TSPAN18: variants seen among roughly 807,000 people sequenced by gnomAD.
The protein encoded by TSPAN18 is tetraspanin 18.
Under a neutral mutation model 27.3 loss-of-function variants are expected in TSPAN18, and 14 were observed. That is an observed-to-expected ratio of 0.51 (90% CI 0.34 to 0.80). The LOEUF is 0.80. Ranked by LOEUF, TSPAN18 falls within the 30% of genes least tolerant of loss-of-function variation. The pLI is 0.01. For synonymous variants in TSPAN18, 143 were observed against 136.5 expected (o/e 1.05, Z -0.33); for missense variants, 268 against 323.9 (o/e 0.83, Z 1.32).
intron 2 of TSPAN18, among the ~76,000 whole-genome samples, chr11:44,813,121 A>G (rs1856753354): frequency 6.6e-6 from 1 of 152,156 alleles, no homozygotes; most frequent in African/African-American, 2.4e-5. Context: ...CTGCCAGTCC[A>G]TTCCTGGCCT....
chr11:44,746,170 C>A (rs1855070935), intron 1 of TSPAN18, among the ~76,000 whole-genome samples: 1 of 152,144 alleles, frequency 6.6e-6, no homozygotes, highest in South Asian at 2.1e-4. Context: ...CAGCAGCTGC[C>A]CCCCGTGGGT....
At chr11:44,761,156 G>A (rs1317302578) in intron 1 of TSPAN18, among the ~76,000 whole-genome samples, 1 of 152,142 alleles carries the variant, frequency 6.6e-6, no homozygotes, top group Non-Finnish European at 1.5e-5. Context: ...CCAAACATTC[G>A]GGAGAACTGT....
At chr11:44,769,189 C>T (rs1474093575) in intron 2 of TSPAN18, among the ~76,000 whole-genome samples, 1 of 152,192 alleles carries the variant, frequency 6.6e-6, no homozygotes, top group Non-Finnish European at 1.5e-5. Context: ...GCCACTGCAC[C>T]TGGCCTATTA....
intron 2 of TSPAN18, among the ~76,000 whole-genome samples, chr11:44,822,417 G>A (rs1856946122): frequency 6.6e-6 from 1 of 151,924 alleles, no homozygotes; most frequent in African/African-American, 2.4e-5. Flanking sequence ...CAGTATTTTG[G>A]GTCCCAGGTT....
intron 2 of TSPAN18, among the ~76,000 whole-genome samples, chr11:44,782,256 GA>G (rs1181462432): frequency 6.6e-6 from 1 of 152,122 alleles, no homozygotes; most frequent in African/African-American, 2.4e-5. Context: ...TAACTTAGAA[GA>G]AACTGCCAGC....
At chr11:44,876,161 G>A (rs1264515856) in intron 3 of TSPAN18, among the ~76,000 whole-genome samples, 1 of 152,176 alleles carries the variant, frequency 6.6e-6, no homozygotes, top group South Asian at 2.1e-4. Context: ...TCTGTTTTCT[G>A]TTCCTTATCC....
In TSPAN18 at chr11:44,929,123, T is replaced by C. The variant is rs1860476330; in HGVS notation, c.700-8T>C. ...AAGCCAGTTCCTGCTCTTTTTCTTT[T>C]TTTGCAGCTTTTCGCCATGATCTTT... On this transcript the variant is annotated splice_region_variant and splice_polypyrimidine_tract_variant and intron_variant, in intron 9 of 9. Coordinates refer to ENST00000520358, the MANE Select transcript of TSPAN18 (RefSeq NM_130783.5). The C allele has an allele frequency of 6.2e-7, 1 of 1,613,284 alleles. No individual in the cohort carries two copies. The highest frequency in any genetic ancestry group is 8.5e-7 in the Non-Finnish European group (1 of 1,180,022).
chr11:44,731,892 C>T (rs1245934966), intron 1 of TSPAN18, among the ~76,000 whole-genome samples: 3 of 152,170 alleles, frequency 2.0e-5, no homozygotes, highest in Admixed American at 2.0e-4. Context: ...CTTTGTTTCC[C>T]ACCCTTCACC....
intron 5 of TSPAN18, among the ~76,000 whole-genome samples, chr11:44,910,484 A>G (rs1859668627): frequency 6.6e-6 from 1 of 152,214 alleles, no homozygotes; most frequent in African/African-American, 2.4e-5. Flanking sequence ...GGGCCTTGGC[A>G]TCCAGGTCTG....
In TSPAN18 at chr11:44,931,983, C is replaced by T. The variant is rs1271322752; in HGVS notation, c.*2805C>T. The T allele has an allele frequency of 6.6e-6, 1 of 152,312 alleles. No individual in the cohort carries two copies. The highest frequency in any genetic ancestry group is 1.5e-5 in the Non-Finnish European group (1 of 68,092). 9.4% of individuals were successfully genotyped at this position (152,312 alleles called of 1,614,324 possible). ...CGAAAGCCACTTTCCTGCTCTGAAG[C>T]TACTGCCTCTTAGAGAAAGGGAATA... On this transcript the variant is annotated 3_prime_UTR_variant, in exon 10 of 10. Transcript: ENST00000520358.
rs143379455 is a variant in TSPAN18, at chr11:44,901,842, C to A, written c.-10-4565C>A. 7.0e-3 allele frequency among the ~76,000 whole-genome samples: 1,072 copies of A among 152,306 alleles called. 6 individuals carry two copies. The highest frequency in any genetic ancestry group is 0.014 in the South Asian group (69 of 4,822). On this transcript the variant is annotated intron_variant, in intron 3 of 9. Transcript: ENST00000520358. ...GTGTGATACTGGCCAGGTTACTTGA[C>A]CCCTCTGAGCTTCAGTGTCCTCTTC...
chr11:44,756,478 ATGT>A (rs1246006446), intron 1 of TSPAN18, among the ~76,000 whole-genome samples: 1 of 152,142 alleles, frequency 6.6e-6, no homozygotes, highest in Non-Finnish European at 1.5e-5. Context: ...TACATTCATA[ATGT>A]TGTGCAACCG....
At chr11:44,829,236 A>G (rs1857106544) in intron 2 of TSPAN18, among the ~76,000 whole-genome samples, 3 of 152,178 alleles carry the variant, frequency 2.0e-5, no homozygotes, top group East Asian at 1.9e-4. Flanking sequence ...TGCATTGTAC[A>G]TTCTATGGGT....
intron 2 of TSPAN18, among the ~76,000 whole-genome samples, chr11:44,769,780 A>G (rs1027090652): frequency 8.6e-5 from 13 of 151,974 alleles, no homozygotes; most frequent in African/African-American, 2.7e-4. Context: ...TTCATTTCTG[A>G]TATTAGTAAT....
intron 1 of TSPAN18, among the ~76,000 whole-genome samples, chr11:44,750,163 G>T (rs1254057995): frequency 1.3e-5 from 2 of 152,218 alleles, no homozygotes; most frequent in Non-Finnish European, 2.9e-5. Context: ...CACTCAGTTA[G>T]AATTATTTTC....
chr11:44,728,473 G>A (rs1340125211), intron 1 of TSPAN18, among the ~76,000 whole-genome samples: 1 of 152,152 alleles, frequency 6.6e-6, no homozygotes, highest in Non-Finnish European at 1.5e-5. Context: ...GTGAAGGCAG[G>A]ATGGGGGTCT....
intron 2 of TSPAN18, among the ~76,000 whole-genome samples, chr11:44,819,558 C>T (rs7948866): frequency 0.018 from 2,737 of 152,228 alleles, 51 homozygotes; most frequent in Middle Eastern, 0.061. Context: ...TGAAGTCAAA[C>T]GGCACAGTCA....
At chr11:44,739,432 G>C (rs1854877285) in intron 1 of TSPAN18, among the ~76,000 whole-genome samples, 1 of 152,312 alleles carries the variant, frequency 6.6e-6, no homozygotes, top group African/African-American at 2.4e-5. Flanking sequence ...AGACCATGCT[G>C]GTTAACACTG....
rs566365400 is a variant in TSPAN18 at position 44,872,429 on chromosome 11, G to A, written c.-11+11960G>A. On this transcript the variant is annotated intron_variant, in intron 3 of 9. Transcript: ENST00000520358. ...CACCAACCTCATAGGGTTGCCACGA[G>A]GATTCACTGAGTGAATGCATGTAAA... Among the ~76,000 whole-genome samples the A allele has an allele frequency of 2.6e-5, 4 of 152,282 alleles. No individual in the cohort carries two copies. The South Asian group carries it at 6.2e-4, about 24-fold the overall frequency.
Sources: allele counts gnomAD v4.1 joint callset (sites outside exome capture counted in the v4.1 genomes callset), GRCh38; gene constraint gnomAD v4.1.1; transcripts MANE v1.5; gene names NCBI Gene and HGNC (gene_info 2026-07-23, HGNC 2026-07-21).